Variants in ADGRF5 observed in about 807,000 individuals in gnomAD.
The protein encoded by ADGRF5 is G-protein coupled receptor 116.
ADGRF5 carries 75 observed loss-of-function variants against 132.3 expected under a neutral mutation model. The observed-to-expected ratio is 0.57, with a 90% CI of 0.47 to 0.69. The LOEUF (loss-of-function observed/expected upper bound fraction) is 0.69, where lower values mean the gene tolerates loss of function less well. Among genes scored for constraint, ADGRF5 ranks in the 30% least tolerant of loss-of-function variants. The probability of loss-of-function intolerance (pLI) is 0.00; values close to 1 mark genes in which losing one functional copy is unlikely to be tolerated. For synonymous variants in ADGRF5, 629 were observed against 597.6 expected (o/e 1.05, Z -0.77); for missense variants, 1,516 against 1,630.6 (o/e 0.93, Z 1.21).
intron 10 of ADGRF5, among the ~76,000 whole-genome samples, chr6:46,876,704 A>G (rs1771694536): frequency 1.3e-5 from 2 of 152,106 alleles, no homozygotes; most frequent in South Asian, 2.1e-4. Flanking sequence ...CTCGGGTTCA[A>G]GTGATTCTCC....
rs189638108 is a variant in ADGRF5 at position 46,907,980 on chromosome 6, G to T, written c.-24-1194C>A. 5.3e-4 allele frequency: 80 copies of T among 152,316 alleles called. 1 individual carries two copies. The highest frequency in any genetic ancestry group is 7.3e-5 in the Non-Finnish European group (5 of 68,034). The allele number at this position is 152,316 out of a possible 1,614,324, so 9.4% of individuals were successfully genotyped here. A position where few individuals can be genotyped will look rare whatever the true frequency, so the allele number is the denominator to read the frequency against. On this transcript the variant is annotated intron_variant, in intron 1 of 20. Coordinates refer to ENST00000283296, the MANE Select transcript of ADGRF5 (RefSeq NM_001098518.2). ...ATCCAGAATGCAACCATCCAGAAGG[G>T]CAGGCTTTGGCTGCAGTGTTGCAGG...
intron 3 of ADGRF5, among the ~76,000 whole-genome samples, chr6:46,889,064 T>C (rs1416572752): frequency 6.6e-6 from 1 of 151,742 alleles, no homozygotes; most frequent in Non-Finnish European, 1.5e-5. Context: ...TTTCAGCTCT[T>C]CATTGTTTTT....
Position 46,887,426 on chromosome 6 carries a change from T to C in ADGRF5, c.328+909A>G, listed in dbSNP as rs553556549. On this transcript the variant is annotated intron_variant, in intron 4 of 20. Transcript: ENST00000283296. ...TTCACTGCTCCTGAAGGACTCATAATGCACATTGGCATCCAACTGGAAAAC... is the reference window on the plus strand; with the variant it reads ...TTCACTGCTCCTGAAGGACTCATAACGCACATTGGCATCCAACTGGAAAAC... Among the ~76,000 whole-genome samples the C allele has an allele frequency of 2.0e-5, 3 of 152,328 alleles. No individual in the cohort carries two copies. In the South Asian group the frequency reaches 6.2e-4, roughly 32 times the overall value.
chr6:46,858,897 T>C lies in ADGRF5; in HGVS notation c.3006A>G (p.Pro1002=). The change falls in exon 17 of 21, where the codon CCA becomes CCG. Residue 1002 remains proline, a synonymous_variant. Coordinates refer to ENST00000283296, the MANE Select transcript of ADGRF5 (RefSeq NM_001098518.2). ...SFSILMSPDS[P]DPSSLLGILL... ...GTATTCCCAGGAGAGAACTAGGATC[T>C]GGGGAGTCAGGGGACATGAGGATGG... is the stretch of plus-strand genomic sequence containing the variant. 1 of 1,614,112 alleles carries C rather than the reference T, an allele frequency of 6.2e-7. No homozygotes were observed. Among genetic ancestry groups the C allele is most frequent in the African/African-American group, 1.3e-5 (1 of 75,030 alleles).
intron 1 of ADGRF5, among the ~76,000 whole-genome samples, chr6:46,938,711 A>G (rs1269281110): frequency 6.6e-6 from 1 of 152,130 alleles, no homozygotes; most frequent in Non-Finnish European, 1.5e-5. Context: ...GTCTCAAGGT[A>G]CAGGCCTAAG....
chr6:46,907,364 T>C (rs553390487), intron 1 of ADGRF5, among the ~76,000 whole-genome samples: 1 of 152,194 alleles, frequency 6.6e-6, no homozygotes, highest in African/African-American at 2.4e-5. Context: ...CTTTTTATTT[T>C]ATTTATTTAT....
chr6:46,888,088 T>C (rs933773968), intron 4 of ADGRF5: 8 of 368,552 alleles, frequency 2.2e-5, no homozygotes, highest in African/African-American at 1.2e-4. Flanking sequence ...GATCACTTTA[T>C]GACAAGCATC....
rs1056926504 is a variant in ADGRF5 at position 46,942,323 on chromosome 6, A to G, written c.-25+12411T>C. 5.9e-5 allele frequency among the ~76,000 whole-genome samples: 9 copies of G among 152,212 alleles called. 1 individual carries two copies. Among genetic ancestry groups the G allele is most frequent in the Admixed American group, 5.9e-4 (9 of 15,290 alleles). Reference sequence around the variant, plus strand: ...TTTTGTGTCTAGCACTTAGCGCAGTATCTGGCACAGAGTAGTCAGGTGCTT... The same window carrying G: ...TTTTGTGTCTAGCACTTAGCGCAGTGTCTGGCACAGAGTAGTCAGGTGCTT... On this transcript the variant is annotated intron_variant, in intron 1 of 20. Transcript: ENST00000265417.
Position 46,865,197 on chromosome 6 carries a change from G to A in ADGRF5, c.1835C>T (p.Ala612Val). ...CACTTGTTTTTTGTTAACTTCTTTT[G>A]CTGAAGACAGAATTATTGAAAGAAT... is the stretch of plus-strand genomic sequence containing the variant. ...FHTGSSSLPA[A>V]KEVNKKQVCY... The change falls in exon 14 of 21, where the codon GCA becomes GTA. Residue 612 changes from alanine (A) to valine (V), a missense_variant and splice_region_variant. Coordinates refer to ENST00000283296, the MANE Select transcript of ADGRF5 (RefSeq NM_001098518.2). 6.2e-7 allele frequency: 1 copy of A among 1,603,402 alleles called. No individual in the cohort carries two copies. Among genetic ancestry groups the A allele is most frequent in the Non-Finnish European group, 8.5e-7 (1 of 1,172,296 alleles).
At chr6:46,855,491 G>A (rs866657111) in intron 20 of ADGRF5, among the ~76,000 whole-genome samples, 2 of 152,054 alleles carry the variant, frequency 1.3e-5, no homozygotes, top group Non-Finnish European at 2.9e-5. Context: ...AGTTCTATAC[G>A]CTTCAATGTG....
chr6:46,953,649 GTGTATATATATATATA>G lies in ADGRF5; in HGVS notation c.-25+1069_-25+1084del, dbSNP rs1232256864. Among the ~76,000 whole-genome samples the G allele has an allele frequency of 3.5e-4, 32 of 91,490 alleles. 1 individual carries two copies. The highest frequency in any genetic ancestry group is 8.7e-4 in the African/African-American group (19 of 21,800). The allele number at this position is 91,490 out of a possible 152,430, so 60.0% of individuals were successfully genotyped here. A position where few individuals can be genotyped will look rare whatever the true frequency, so the allele number is the denominator to read the frequency against. ...AAAAATTATATATATATAGATATAT[GTGTATATATATATATA>G]TATATATATATATATATATATATAT... On this transcript the variant is annotated intron_variant, in intron 1 of 20. Coordinates refer to the ADGRF5 transcript ENST00000265417.
At position 46,900,044 on chromosome 6, in the gene ADGRF5, T is replaced by C; in HGVS notation, c.142A>G (p.Arg48Gly). 1 of 1,612,366 alleles carries C rather than the reference T, an allele frequency of 6.2e-7. No individual in the cohort carries two copies. The highest frequency in any genetic ancestry group is 8.5e-7 in the Non-Finnish European group (1 of 1,178,382). ...EHEPAGEEALRQKRAVATKSP... is the reference protein window; with the variant it reads ...EHEPAGEEALGQKRAVATKSP... ...GTTTACATACCGGCTCGTTTTTGCC[T>C]CAGTGCCTCTTCACCAGCTGGTTCA... The change falls in exon 3 of 21, where the codon AGG becomes GGG. Residue 48 changes from arginine (R) to glycine (G), a missense_variant. Arg to Gly is a moderately radical substitution (Grantham distance 125, BLOSUM62 -2). Around this residue, in one of 2 missense-constraint regions of ADGRF5, gnomAD observed 945 missense variants for 929.4 expected, o/e 1.02. Coordinates refer to ENST00000283296, the MANE Select transcript of ADGRF5 (RefSeq NM_001098518.2).
chr6:46,954,726 G>A (rs1778656291), intron 1 of ADGRF5: 1 of 152,142 alleles, frequency 6.6e-6, no homozygotes, highest in Non-Finnish European at 1.5e-5. Flanking sequence ...AACGATGCAG[G>A]TACCTACCTT....
In ADGRF5 at chr6:46,853,932, C is replaced by G; in HGVS notation, c.*60G>C. 8.4e-7 allele frequency: 1 copy of G among 1,186,400 alleles called. No individual in the cohort carries two copies. The allele number at this position is 1,186,400 out of a possible 1,614,324, so 73.5% of individuals were successfully genotyped here. On this transcript the variant is annotated 3_prime_UTR_variant, in exon 21 of 21. Transcript: ENST00000283296. ...ACGTTCCCCATTGCTTTGCAAGCAT[C>G]TCTTTTTAAAAGCACAGCCACTGTC...
intron 11 of ADGRF5, among the ~76,000 whole-genome samples, chr6:46,870,478 T>C (rs1335021326): frequency 1.3e-5 from 2 of 152,122 alleles, no homozygotes; most frequent in Admixed American, 6.6e-5. Context: ...TTATTCTTAA[T>C]CATAATCCAA....
chr6:46,950,863 T>A (rs1257665158), intron 1 of ADGRF5, among the ~76,000 whole-genome samples: 1 of 152,192 alleles, frequency 6.6e-6, no homozygotes, highest in Non-Finnish European at 1.5e-5. Context: ...ATAATTAATC[T>A]TCTTACAACT....
At position 46,912,292 on chromosome 6, in the gene ADGRF5, T is replaced by C. The variant is rs574131004; in HGVS notation, c.-24-5506A>G. 2.6e-5 allele frequency among the ~76,000 whole-genome samples: 4 copies of C among 152,314 alleles called. No homozygotes were observed. The South Asian group carries it at 8.3e-4, about 32-fold the overall frequency. The stretch of plus-strand genomic sequence containing the variant: ...AAGATATTCCAGGGGAAGTATTTAT[T>C]TGAGCTGAAACCTAAAGCATAAGTT... On this transcript the variant is annotated intron_variant, in intron 1 of 20. Transcript: ENST00000283296.
intron 1 of ADGRF5, among the ~76,000 whole-genome samples, chr6:46,935,165 G>A (rs1194361405): frequency 3.3e-5 from 5 of 151,720 alleles, no homozygotes; most frequent in Admixed American, 6.6e-5. Flanking sequence ...CACAAGGCCC[G>A]GCTAATTTTT....
chr6:46,934,997 T>A (rs1438139689), intron 1 of ADGRF5, among the ~76,000 whole-genome samples: 1 of 137,868 alleles, frequency 7.3e-6, no homozygotes, highest in Non-Finnish European at 1.5e-5. Context: ...TGGTGATAGT[T>A]CTTTTTTTTT....
Sources: gnomAD v4.1 joint callset for allele counts (sites outside exome capture counted in the v4.1 genomes callset) on GRCh38, gnomAD v4.1.1 for gene constraint, gnomAD v4.1.1 regional missense constraint, MANE v1.5 for transcripts, NCBI Gene and HGNC (gene_info 2026-07-23, HGNC 2026-07-21) for gene names.